CEP83: variants seen among roughly 807,000 people sequenced by gnomAD.
The protein encoded by CEP83 is centrosomal protein of 83 kDa.
CEP83 carries 70 observed loss-of-function variants against 101.9 expected under a neutral mutation model. The ratio of observed to expected loss-of-function variants is 0.69; its 90% CI spans 0.57 to 0.84. CEP83 has a LOEUF of 0.84. Ranked by LOEUF, CEP83 falls within the 40% of genes least tolerant of loss-of-function variation. The probability of loss-of-function intolerance (pLI) is 0.00; values close to 1 mark genes in which losing one functional copy is unlikely to be tolerated. For synonymous variants in CEP83, 264 were observed against 267.9 expected, an observed-to-expected ratio of 0.99 and a Z score of 0.14; for missense variants, 715 against 787.2, an observed-to-expected ratio of 0.91 and a Z score of 1.10.
chr12:94,293,594 G>C, the CEP83 span, among the ~76,000 whole-genome samples: 1 of 152,120 alleles, frequency 6.6e-6, no homozygotes, highest in East Asian at 1.9e-4. Context: ...AAGCAGAGGG[G>C]ACCAGCAAGC....
Position 94,309,035 on chromosome 12 carries a change from C to T in CEP83, c.2002-118G>A, listed in dbSNP as rs970475931. On this transcript the variant is annotated intron_variant, in intron 16 of 16. Transcript: ENST00000397809. ...ACATCTGGCAAGGAAATGCTGACCA[C>T]TGTAGCAGTCTAAAAACAGTAGCAT... 6.1e-6 allele frequency: 4 copies of T among 660,580 alleles called. No homozygotes were observed. In the African/African-American group the frequency reaches 7.3e-5, roughly 12 times the overall value. The allele number at this position is 660,580 out of a possible 1,614,324, so 40.9% of individuals were successfully genotyped here.
At chr12:94,416,355 T>C (rs1430361368) in intron 2 of CEP83, among the ~76,000 whole-genome samples, 1 of 152,148 alleles carries the variant, frequency 6.6e-6, no homozygotes, top group Non-Finnish European at 1.5e-5. Context: ...AATACAGTGG[T>C]GAGTTTATTT....
chr12:94,336,362 C>T (rs73370313), intron 11 of CEP83, among the ~76,000 whole-genome samples: 6,004 of 152,264 alleles, frequency 0.039, 363 homozygotes, highest in African/African-American at 0.13. Context: ...GGCCCTTCAG[C>T]CTCCTCCCTT....
At chr12:94,389,068 A>C (rs1285801798) in intron 6 of CEP83, among the ~76,000 whole-genome samples, 2 of 152,240 alleles carry the variant, frequency 1.3e-5, no homozygotes, top group African/African-American at 4.8e-5. Context: ...CAGAGGTTGC[A>C]GTGAGCCAAG....
At chr12:94,275,431 A>C in the CEP83 span, among the ~76,000 whole-genome samples, 1 of 152,144 alleles carries the variant, frequency 6.6e-6, no homozygotes, top group African/African-American at 2.4e-5. Context: ...CTGTGATGTC[A>C]CGCTGTCTGA....
At chr12:94,311,226 T>A (rs777851553) in intron 15 of CEP83, among the ~76,000 whole-genome samples, 2 of 152,326 alleles carry the variant, frequency 1.3e-5, no homozygotes, top group Non-Finnish European at 2.9e-5. Flanking sequence ...AGAGAGGGCA[T>A]GGAAACTCCA....
chr12:94,287,992 T>G, the CEP83 span, among the ~76,000 whole-genome samples: 1 of 152,170 alleles, frequency 6.6e-6, no homozygotes, highest in East Asian at 1.9e-4. Flanking sequence ...CACTGATGCC[T>G]CAAGGCTTGA....
chr12:94,425,914 C>G (rs905474963), intron 2 of CEP83, among the ~76,000 whole-genome samples: 1 of 151,920 alleles, frequency 6.6e-6, no homozygotes, highest in Non-Finnish European at 1.5e-5. Context: ...AGGTCAGGAG[C>G]TTGAGACCAT....
At chr12:94,371,078 T>C (rs779872906) in intron 8 of CEP83, among the ~76,000 whole-genome samples, 1 of 152,200 alleles carries the variant, frequency 6.6e-6, no homozygotes, top group African/African-American at 2.4e-5. Context: ...AATGTTATTA[T>C]ATGTATAACA....
chr12:94,433,255 G>T (rs1286706581), intron 2 of CEP83, among the ~76,000 whole-genome samples: 1 of 152,068 alleles, frequency 6.6e-6, no homozygotes, highest in African/African-American at 2.4e-5. Context: ...AAAATAAGTC[G>T]TTTATTTGCA....
intron 14 of CEP83, chr12:94,328,234 TG>T: frequency 3.3e-6 from 1 of 302,458 alleles, no homozygotes. Context: ...CTCTCTTCAA[TG>T]GGGGTGGGGG....
At chr12:94,449,111 C>T (rs1483560414) in intron 1 of CEP83, among the ~76,000 whole-genome samples, 2 of 149,942 alleles carry the variant, frequency 1.3e-5, no homozygotes, top group Non-Finnish European at 3.0e-5. Flanking sequence ...AAAATTATTG[C>T]CAACCTTAAA....
rs150552330 is a variant in CEP83 at position 94,366,098 on chromosome 12, G to T, written c.1343+1696C>A. ...ATGGGAACAGGGTAGAGGAGATGTG[G>T]GAAGTGGCATTTTTTTGAAGGTTTT... On this transcript the variant is annotated intron_variant, in intron 11 of 16. Transcript: ENST00000397809. Among the ~76,000 whole-genome samples, 326 of 152,162 alleles carry T rather than the reference G, an allele frequency of 2.1e-3. 1 individual carries two copies. The highest frequency in any genetic ancestry group is 7.4e-3 in the African/African-American group (307 of 41,568).
At chr12:94,304,121 A>T, downstream of CEP83, 1 of 1,016,900 alleles carries the variant, frequency 9.8e-7, no homozygotes, top group Non-Finnish European at 1.5e-6. Context: ...GCATTCTGTC[A>T]GTTTCAGAAC....
chr12:94,406,586 G>T (rs2063548734), intron 4 of CEP83, among the ~76,000 whole-genome samples: 1 of 152,038 alleles, frequency 6.6e-6, no homozygotes, highest in African/African-American at 2.4e-5. Flanking sequence ...AATTCCATAT[G>T]TTCAAAGAAC....
Position 94,308,489 on chromosome 12 carries a change from T to TTTTGGC in CEP83, c.*323_*324insGCCAAA, listed in dbSNP as rs1164163248. ...ATGAAGAGAGAATTAATGATAGTTA[T>TTTTGGC]ATTTCACTCAAAATGCCAAAAAAAA... On this transcript the variant is annotated 3_prime_UTR_variant, in exon 17 of 17. Coordinates refer to ENST00000397809, the MANE Select transcript of CEP83 (RefSeq NM_016122.3). 7.4e-5 allele frequency: 15 copies of TTTTGGC among 202,832 alleles called. No individual in the cohort carries two copies. Among genetic ancestry groups the TTTTGGC allele is most frequent in the Admixed American group, 2.9e-4 (5 of 17,448 alleles). 12.6% of individuals were successfully genotyped at this position (202,832 alleles called of 1,614,324 possible). A position where few individuals can be genotyped will look rare whatever the true frequency, so the allele number is the denominator to read the frequency against.
the CEP83 span, chr12:94,277,003 C>G: frequency 1.3e-5 from 2 of 152,130 alleles, no homozygotes; most frequent in Non-Finnish European, 2.9e-5. Flanking sequence ...TTTACTCTTG[C>G]GTAATTATCA....
intron 1 of CEP83, among the ~76,000 whole-genome samples, chr12:94,444,137 G>A (rs999919968): frequency 2.0e-5 from 3 of 152,250 alleles, no homozygotes; most frequent in East Asian, 1.9e-4. Context: ...GGTGGCTCAC[G>A]CCCGTAATTC....
chr12:94,446,826 T>C (rs1482910658), intron 1 of CEP83, among the ~76,000 whole-genome samples: 1 of 152,066 alleles, frequency 6.6e-6, no homozygotes, highest in South Asian at 2.1e-4. Flanking sequence ...TTTGAAGAAA[T>C]AATCGCCAAA....
Sources: gnomAD v4.1 joint callset for allele counts (sites outside exome capture counted in the v4.1 genomes callset) on GRCh38, gnomAD v4.1.1 for gene constraint, MANE v1.5 for transcripts, NCBI Gene and HGNC (gene_info 2026-07-23, HGNC 2026-07-21) for gene names.